The following DNAH2 variants were observed in gnomAD, a reference collection of about 807,000 sequenced individuals.
DNAH2 encodes the protein axonemal beta dynein heavy chain 2.
In DNAH2, 323 loss-of-function variants were observed where a neutral mutation model predicts 523.5. The ratio of observed to expected loss-of-function variants is 0.62; its 90% CI spans 0.56 to 0.68. The LOEUF (loss-of-function observed/expected upper bound fraction) is 0.68. DNAH2 is among the 30% of genes least tolerant of loss of function. The pLI is 0.00. For missense variants in DNAH2, 4,907 were observed against 5,701.5 expected, an observed-to-expected ratio of 0.86 and a Z score of 4.49; for synonymous variants, 2,093 against 2,177.4, an observed-to-expected ratio of 0.96 and a Z score of 1.08.
At chr17:7,773,585 T>C (rs2076373746) in intron 28 of DNAH2, among the ~76,000 whole-genome samples, 1 of 152,194 alleles carries the variant, frequency 6.6e-6, no homozygotes, top group African/African-American at 2.4e-5. Flanking sequence ...CTCCCTCCCA[T>C]AAATTCAATG....
At chr17:7,723,031 G>T (rs537696527) in intron 2 of DNAH2, among the ~76,000 whole-genome samples, 3 of 140,110 alleles carry the variant, frequency 2.1e-5, no homozygotes, top group East Asian at 4.5e-4. Flanking sequence ...GTGCAGTGGC[G>T]CAATCTCGGC....
intron 2 of DNAH2, among the ~76,000 whole-genome samples, chr17:7,720,221 G>T (rs76708032): frequency 0.011 from 1,658 of 152,212 alleles, 25 homozygotes; most frequent in African/African-American, 0.037. Flanking sequence ...ACTGAAGAGG[G>T]TTTGATCTCT....
rs531113911 is a variant in DNAH2 at position 7,780,911 on chromosome 17, G to A, written c.6003+129G>A. The A allele has an allele frequency of 4.1e-5, 64 of 1,579,524 alleles. 1 individual carries two copies. Among genetic ancestry groups the A allele is most frequent in the South Asian group, 3.1e-4 (27 of 88,096 alleles). On this transcript the variant is annotated intron_variant, in intron 38 of 85. Transcript: ENST00000572933. This position sits in a 1 kb window ranked among gnomAD's most constrained non-coding sequence, Gnocchi z 4.4. ...CACCTTCCCACCTCGTCCCATCCCC[G>A]TGTTGCCCGCTGCTTTGCTAATGGC...
chr17:7,813,741 C>T (rs1408465543), intron 63 of DNAH2, among the ~76,000 whole-genome samples: 1 of 151,930 alleles, frequency 6.6e-6, no homozygotes, highest in African/African-American at 2.4e-5. Context: ...AACACTGTCT[C>T]TACTAGAAAT....
rs557821674 is a variant in DNAH2 at position 7,770,527 on chromosome 17, A to C, written c.4099-30A>C. On this transcript the variant is annotated intron_variant, in intron 25 of 85. Transcript: ENST00000572933. ...GTTCCCCTTAGTGAAGAGATACCTG[A>C]CTGCTGTGTCCCCCAATTTCTCTCC... 7.4e-6 allele frequency: 12 copies of C among 1,613,552 alleles called. No individual in the cohort carries two copies. In the South Asian group the frequency reaches 8.8e-5, roughly 12 times the overall value.
In DNAH2 at chr17:7,810,420, G is replaced by A. The variant is rs138349901; in HGVS notation, c.9729+2834G>A. Among the ~76,000 whole-genome samples the A allele has an allele frequency of 4.8e-3, 734 of 151,978 alleles. 4 individuals are homozygous for A. Among genetic ancestry groups the A allele is most frequent in the South Asian group, 9.8e-3 (47 of 4,816 alleles). On this transcript the variant is annotated intron_variant, in intron 63 of 85. Coordinates refer to ENST00000572933, the MANE Select transcript of DNAH2 (RefSeq NM_020877.5). ...CGTTTTGTTTTTGAGAGAGAGTCTC[G>A]CTCTATCACCCAGGCTGGAGCACGG...
intron 65 of DNAH2, 30 bp downstream of exon 65, chr17:7,817,445 G>A (rs1228173056): frequency 1.6e-5 from 26 of 1,613,548 alleles, no homozygotes; most frequent in Non-Finnish European, 2.1e-5. Flanking sequence ...TGACAAGTAG[G>A]CTCCGAGACC....
Position 7,832,706 on chromosome 17 carries a change from C to T in DNAH2, c.12854C>T (p.Pro4285Leu), listed in dbSNP as rs1239256208. 1 of 1,614,144 alleles carries T rather than the reference C, an allele frequency of 6.2e-7. No homozygotes were observed. Among genetic ancestry groups the T allele is most frequent in the Admixed American group, 1.7e-5 (1 of 60,022 alleles). ...TTCTGGTTGTCTGGTTTCACCTTTC[C>T]CACTGGCTTCCTCACTGCTGTGCTG... ...VIFWLSGFTF[P>L]TGFLTAVLQS... The change falls in exon 83 of 86, where the codon CCC becomes CTC. Residue 4285 changes from proline (P) to leucine (L), a missense_variant. Physicochemically the swap from Pro to Leu is moderately conservative, Grantham distance 98. Coordinates refer to ENST00000572933, the MANE Select transcript of DNAH2 (RefSeq NM_020877.5). This position sits in a 1 kb window ranked among gnomAD's most constrained non-coding sequence, Gnocchi z 4.3.
At position 7,779,391 on chromosome 17, in the gene DNAH2, G is replaced by T. The variant is rs781663706; in HGVS notation, c.5690G>T (p.Trp1897Leu). 6.2e-6 allele frequency: 10 copies of T among 1,613,824 alleles called. No individual in the cohort carries two copies. Among genetic ancestry groups the T allele is most frequent in the Non-Finnish European group, 7.6e-6 (9 of 1,179,974 alleles). The change falls in exon 36 of 86, where the codon TGG becomes TTG. Residue 1897 changes from tryptophan to leucine, a missense_variant. By Grantham distance (61) the Trp-to-Leu change is moderately conservative. Transcript: ENST00000572933. ...HFDGFEINLV[W>L]SCGIFITMNP... is the part of the protein sequence containing the mutation. Reference sequence around the variant, plus strand: ...GATGGCTTTGAAATAAATCTGGTGTGGTCCTGTGGGATCTTCATTACCATG... The same window carrying T: ...GATGGCTTTGAAATAAATCTGGTGTTGTCCTGTGGGATCTTCATTACCATG...
chr17:7,724,742 CT>C (rs57294591), intron 3 of DNAH2, among the ~76,000 whole-genome samples: 31 of 130,412 alleles, frequency 2.4e-4, no homozygotes, highest in African/African-American at 3.6e-4. Context: ...TCATATGTTA[CT>C]TTTTTTTTTT....
At chr17:7,759,326 C>G in intron 15 of DNAH2, 96 bp from the exon 16 acceptor site, 2 of 1,507,064 alleles carry the variant, frequency 1.3e-6, no homozygotes, top group Non-Finnish European at 1.8e-6. Context: ...TTCCATTAAA[C>G]CAACTTGTTT....
At chr17:7,723,894 A>C (rs1239346106) in intron 3 of DNAH2, among the ~76,000 whole-genome samples, 2 of 152,184 alleles carry the variant, frequency 1.3e-5, no homozygotes, top group Non-Finnish European at 2.9e-5. Flanking sequence ...GGAGGGCTTT[A>C]AGTAAGGCGC....
In DNAH2 at chr17:7,718,267, T is replaced by C. The variant is rs1259869597; in HGVS notation, c.-547T>C. The C allele has an allele frequency of 1.3e-5, 2 of 152,332 alleles. No individual in the cohort carries two copies. Among genetic ancestry groups the C allele is most frequent in the Middle Eastern group, 3.4e-3 (1 of 294 alleles). The allele number at this position is 152,332 out of a possible 1,614,324, so 9.4% of individuals were successfully genotyped here. ...TTTGAGGCAGGAAAGCGCAGCTTGA[T>C]GCTTCTCTGGAGACTGATGGAGGAA... On this transcript the variant is annotated 5_prime_UTR_variant, in exon 1 of 86. The change abolishes an upstream ATG in the 5' untranslated region. Coordinates refer to ENST00000572933, the MANE Select transcript of DNAH2 (RefSeq NM_020877.5).
intron 63 of DNAH2, among the ~76,000 whole-genome samples, chr17:7,811,937 C>T (rs145259829): frequency 2.2e-4 from 33 of 152,266 alleles, no homozygotes; most frequent in Admixed American, 1.8e-3. Context: ...TGAAGTCTCT[C>T]GTGAGCATTA....
chr17:7,742,157 C>A (rs911126938), intron 11 of DNAH2, among the ~76,000 whole-genome samples: 2 of 151,628 alleles, frequency 1.3e-5, no homozygotes, highest in African/African-American at 4.8e-5. Flanking sequence ...GGGCCAGGTG[C>A]GGTGGCTCAC....
intron 28 of DNAH2, among the ~76,000 whole-genome samples, chr17:7,774,044 T>C (rs906759918): frequency 6.6e-6 from 1 of 152,172 alleles, no homozygotes; most frequent in Non-Finnish European, 1.5e-5. Context: ...GATTCATTCT[T>C]ACTGTAGATC....
At position 7,743,172 on chromosome 17, in the gene DNAH2, A is replaced by G. The variant is rs369999355; in HGVS notation, c.1904+30A>G. 191 of 1,608,698 alleles carry G rather than the reference A, an allele frequency of 1.2e-4. 1 individual carries two copies. Among genetic ancestry groups the G allele is most frequent in the Non-Finnish European group, 1.2e-4 (138 of 1,176,420 alleles). ...AGGAGCCACCTGGCCCCTTTTCCCT[A>G]TACTCCCCTTCTGCAGCTCTCCCAA... On this transcript the variant is annotated intron_variant, in intron 12 of 85. Coordinates refer to ENST00000572933, the MANE Select transcript of DNAH2 (RefSeq NM_020877.5).
chr17:7,720,373 G>A (rs2074564919), intron 2 of DNAH2, among the ~76,000 whole-genome samples: 2 of 152,196 alleles, frequency 1.3e-5, no homozygotes, highest in Admixed American at 6.5e-5. Context: ...GTTGAGGGCT[G>A]TTCTATCTCC....
intron 12 of DNAH2, among the ~76,000 whole-genome samples, chr17:7,745,156 G>A (rs370389955): frequency 4.6e-5 from 7 of 152,014 alleles, no homozygotes; most frequent in Non-Finnish European, 5.9e-5. Context: ...CACCACGCCC[G>A]GCTAATTTTT....
Sources: allele counts gnomAD v4.1 joint callset (sites outside exome capture counted in the v4.1 genomes callset), GRCh38; gene constraint gnomAD v4.1.1; non-coding constraint Gnocchi (gnomAD v3.1); transcripts MANE v1.5; gene names NCBI Gene and HGNC (gene_info 2026-07-23, HGNC 2026-07-21).